The following RELL1 variants were observed in gnomAD, a reference collection of about 807,000 sequenced individuals.
RELL1 encodes RELT-like protein 1.
RELL1 carries 10 observed loss-of-function variants against 23.0 expected under a neutral mutation model. The observed-to-expected ratio is 0.43, with a 90% CI of 0.27 to 0.74. RELL1 has a LOEUF of 0.74. Among genes scored for constraint, RELL1 ranks in the 30% least tolerant of loss-of-function variants. The pLI is 0.19. For missense variants in RELL1, 315 were observed against 364.4 expected, an observed-to-expected ratio of 0.86 and a Z score of 1.10; for synonymous variants, 146 against 146.8, an observed-to-expected ratio of 0.99 and a Z score of 0.04.
intron 1 of RELL1, chr4:37,665,142 A>G (rs968283606): frequency 1.7e-5 from 7 of 408,610 alleles, no homozygotes; most frequent in Non-Finnish European, 3.4e-5. Flanking sequence ...AGTTCACAGT[A>G]ACTTTATAAG....
intron 6 of RELL1, among the ~76,000 whole-genome samples, chr4:37,604,926 CACACACAG>C (rs1264562934): frequency 9.6e-4 from 54 of 56,004 alleles, no homozygotes; most frequent in African/African-American, 2.6e-3. Context: ...CACAGACACA[CACACACAG>C]ACACACACAT....
At chr4:37,590,800 G>A (rs1718565075) in exon 7 of RELL1, 1 of 1,614,148 alleles carries the variant, frequency 6.2e-7, no homozygotes, top group Non-Finnish European at 8.5e-7. Flanking sequence ...TGTGGAAACA[G>A]AAGTTCTAAG....
rs1246703060 is a variant in RELL1, at chr4:37,611,187, A to G, written c.*2159T>C. Among the ~76,000 whole-genome samples the G allele has an allele frequency of 6.6e-6, 1 of 152,212 alleles. No homozygotes were observed. The highest frequency in any genetic ancestry group is 2.4e-5 in the African/African-American group (1 of 41,456). Reference sequence around the variant, plus strand: ...TTACATTTTATCCCCCACCATTTTGAGGGCATATTTTTAAAGCAAAAAAGT... The same window carrying G: ...TTACATTTTATCCCCCACCATTTTGGGGGCATATTTTTAAAGCAAAAAAGT... On this transcript the variant is annotated 3_prime_UTR_variant, in exon 7 of 7. Transcript: ENST00000454158.
intron 1 of RELL1, among the ~76,000 whole-genome samples, chr4:37,656,324 T>C (rs79365559): frequency 6.6e-6 from 1 of 151,666 alleles, no homozygotes; most frequent in East Asian, 1.9e-4. Flanking sequence ...AACCAGAGAG[T>C]AGAATGGTGT....
rs187642912 is a variant in RELL1 at position 37,601,113 on chromosome 4, T to A, written c.*4-9896A>T. Reference sequence around the variant, plus strand: ...TCAGTCAAGGCAAGAAAGTCATTCTTTCCAATAAGGCAGTTGACCTGCCAT... The same window carrying A: ...TCAGTCAAGGCAAGAAAGTCATTCTATCCAATAAGGCAGTTGACCTGCCAT... On this transcript the variant is annotated intron_variant, in intron 6 of 6. Transcript: ENST00000314117. 2.0e-5 allele frequency among the ~76,000 whole-genome samples: 3 copies of A among 152,332 alleles called. No individual in the cohort carries two copies. The East Asian group carries it at 5.8e-4, about 29-fold the overall frequency.
chr4:37,602,178 C>T (rs1719032369), intron 6 of RELL1, among the ~76,000 whole-genome samples: 2 of 137,666 alleles, frequency 1.5e-5, no homozygotes, highest in Admixed American at 1.5e-4. Context: ...GATTGTGCCA[C>T]TGCATTCAAG....
intron 6 of RELL1, among the ~76,000 whole-genome samples, chr4:37,617,314 C>G (rs1719608369): frequency 2.0e-5 from 3 of 152,084 alleles, no homozygotes; most frequent in Admixed American, 2.0e-4. Context: ...TAGGTAAGAC[C>G]CAGTACTAAT....
In RELL1 at chr4:37,665,674, C is replaced by A. The variant is rs79357498; in HGVS notation, c.89-16174G>T. On this transcript the variant is annotated intron_variant, in intron 1 of 6. Coordinates refer to ENST00000454158, the MANE Select transcript of RELL1 (RefSeq NM_001085400.2). ...CTAAGTAGCAAGGGCCAGAAAAAAA[C>A]CATCAAATAGGAGGAAACACGCCAT... Among the ~76,000 whole-genome samples the A allele has an allele frequency of 0.016, 2,432 of 152,242 alleles. 156 individuals are homozygous for A. In the South Asian group the frequency reaches 0.18, roughly 11 times the overall value.
At chr4:37,621,437 C>T (rs1719762585) in intron 6 of RELL1, among the ~76,000 whole-genome samples, 1 of 151,584 alleles carries the variant, frequency 6.6e-6, no homozygotes, top group African/African-American at 2.4e-5. Context: ...GCCTGGGGGA[C>T]AGAGCAAGAC....
In RELL1 at chr4:37,627,377, A is replaced by G. The variant is rs28413865; in HGVS notation, c.*3+4008T>C. 7.5e-3 allele frequency among the ~76,000 whole-genome samples: 1,136 copies of G among 152,330 alleles called. 13 individuals are homozygous for G. The highest frequency in any genetic ancestry group is 0.026 in the African/African-American group (1,063 of 41,562). ...GGCATTTGGAGGCTGAAAGCAATTC[A>G]ATTTATTTAACTTTGAAGAACAAAA... On this transcript the variant is annotated intron_variant, in intron 6 of 6. Transcript: ENST00000454158.
chr4:37,590,513 A>G (rs760251868), downstream of RELL1: 6 of 1,614,058 alleles, frequency 3.7e-6, no homozygotes, highest in Admixed American at 1.7e-5. Flanking sequence ...CTGGCCTCAG[A>G]AGGGACCCAA....
At chr4:37,658,859 C>A (rs1051446172) in intron 1 of RELL1, among the ~76,000 whole-genome samples, 9 of 152,194 alleles carry the variant, frequency 5.9e-5, no homozygotes, top group Admixed American at 5.2e-4. Flanking sequence ...CCAATTAGCA[C>A]AGCAAGAAGT....
At chr4:37,635,928 C>T (rs1470175346) in intron 4 of RELL1, among the ~76,000 whole-genome samples, 1 of 152,092 alleles carries the variant, frequency 6.6e-6, no homozygotes, top group African/African-American at 2.4e-5. Flanking sequence ...GGAGGAAAGC[C>T]TTTAGGCAAA....
At chr4:37,657,118 G>T (rs970714075) in intron 1 of RELL1, among the ~76,000 whole-genome samples, 4 of 152,136 alleles carry the variant, frequency 2.6e-5, no homozygotes, top group African/African-American at 9.7e-5. Context: ...CTTGGATTTT[G>T]CTCCCTGTTT....
At chr4:37,599,399 A>G (rs1326978727) in intron 6 of RELL1, among the ~76,000 whole-genome samples, 1 of 152,104 alleles carries the variant, frequency 6.6e-6, no homozygotes, top group African/African-American at 2.4e-5. Flanking sequence ...TTGGTCGAAG[A>G]GTACAGGGTG....
chr4:37,659,969 C>T (rs1215885225), intron 1 of RELL1, among the ~76,000 whole-genome samples: 2 of 152,162 alleles, frequency 1.3e-5, no homozygotes, highest in African/African-American at 4.8e-5. Context: ...GGTTTCCTGG[C>T]AAACTGAACC....
intron 3 of RELL1, among the ~76,000 whole-genome samples, chr4:37,643,812 G>A (rs2109275617): frequency 6.6e-6 from 1 of 152,324 alleles, no homozygotes; most frequent in African/African-American, 2.4e-5. Flanking sequence ...GATCAAGGCT[G>A]CATCTTATCA....
intron 1 of RELL1, among the ~76,000 whole-genome samples, chr4:37,651,511 C>T (rs909974132): frequency 2.0e-5 from 3 of 152,322 alleles, no homozygotes; most frequent in East Asian, 3.9e-4. Flanking sequence ...TAAATATAAG[C>T]TTTCTCAAGA....
intron 1 of RELL1, among the ~76,000 whole-genome samples, chr4:37,681,518 GTTTTTTT>G (rs55800176): frequency 1.8e-4 from 10 of 56,942 alleles, no homozygotes; most frequent in African/African-American, 6.4e-4. Flanking sequence ...GTCTCCTTCT[GTTTTTTT>G]TTTTTTTTTT....
Sources: gnomAD v4.1 joint callset for allele counts (sites outside exome capture counted in the v4.1 genomes callset) on GRCh38, gnomAD v4.1.1 for gene constraint, MANE v1.5 for transcripts, NCBI Gene and HGNC (gene_info 2026-07-23, HGNC 2026-07-21) for gene names.